PRIM2: variants seen among roughly 807,000 people sequenced by gnomAD.
PRIM2 encodes the protein DNA primase subunit 2.
In PRIM2, 39 loss-of-function variants were observed where a neutral mutation model predicts 67.3. The observed-to-expected ratio is 0.58, with a 90% CI of 0.45 to 0.76. The LOEUF (loss-of-function observed/expected upper bound fraction) is 0.76, where lower values mean the gene tolerates loss of function less well. PRIM2 is among the 30% of genes least tolerant of loss of function. The probability of loss-of-function intolerance (pLI) is 0.00; values close to 1 mark genes in which losing one functional copy is unlikely to be tolerated. For missense variants in PRIM2, 398 were observed against 598.7 expected (o/e 0.66, Z 3.50); for synonymous variants, 143 against 198.7 (o/e 0.72, Z 2.36).
At chr6:57,641,363 G>T (rs1336233330) in intron 13 of PRIM2, among the ~76,000 whole-genome samples, 1 of 151,944 alleles carries the variant, frequency 6.6e-6, no homozygotes, top group Admixed American at 6.6e-5. Flanking sequence ...CAAAAGCAAC[G>T]GCAACAAAAG....
intron 7 of PRIM2, among the ~76,000 whole-genome samples, chr6:57,410,331 C>CA (rs66631802): frequency 0.17 from 18,058 of 105,174 alleles, 1,442 homozygotes; most frequent in Non-Finnish European, 0.22. Context: ...AACGCCATCT[C>CA]AAAAAAAAAA....
intron 12 of PRIM2, among the ~76,000 whole-genome samples, chr6:57,615,890 T>C (rs1776748337): frequency 6.6e-6 from 1 of 152,112 alleles, no homozygotes; most frequent in Middle Eastern, 3.2e-3. Flanking sequence ...ACTCCATCTC[T>C]CCAAAAATTA....
intron 10 of PRIM2, among the ~76,000 whole-genome samples, chr6:57,550,595 A>G (rs1182967939): frequency 6.6e-6 from 1 of 152,204 alleles, no homozygotes; most frequent in African/African-American, 2.4e-5. Flanking sequence ...AATAAGATAA[A>G]AAATAGAAGA....
chr6:57,264,697 A>T, the PRIM2 span, among the ~76,000 whole-genome samples: 1 of 150,638 alleles, frequency 6.6e-6, no homozygotes, highest in African/African-American at 2.5e-5. Flanking sequence ...CCTGAGTTCA[A>T]GCGATTCTCC....
chr6:57,484,116 A>G (rs1426905804), intron 7 of PRIM2, among the ~76,000 whole-genome samples: 1 of 152,190 alleles, frequency 6.6e-6, no homozygotes, highest in East Asian at 1.9e-4. Context: ...TTTGGTTACT[A>G]TGTATAGCTA....
intron 7 of PRIM2, among the ~76,000 whole-genome samples, chr6:57,414,651 G>T (rs1156905226): frequency 6.6e-6 from 1 of 152,080 alleles, no homozygotes; most frequent in Non-Finnish European, 1.5e-5. Context: ...GATGGTAGTA[G>T]CGGATGAAAC....
chr6:57,329,500 C>A (rs1286643064), intron 5 of PRIM2, among the ~76,000 whole-genome samples: 1 of 152,016 alleles, frequency 6.6e-6, no homozygotes, highest in Admixed American at 6.5e-5. Context: ...ATTGTAGTTC[C>A]CATAATCCCC....
the PRIM2 span, among the ~76,000 whole-genome samples, chr6:57,272,182 T>C: frequency 6.6e-6 from 1 of 152,198 alleles, no homozygotes; most frequent in Admixed American, 6.5e-5. Flanking sequence ...CTGGGTATCC[T>C]TGTTAACTTT....
At chr6:57,287,010 C>T in the PRIM2 span, among the ~76,000 whole-genome samples, 1 of 152,194 alleles carries the variant, frequency 6.6e-6, no homozygotes, top group Non-Finnish European at 1.5e-5. Flanking sequence ...TGGAAAAAAG[C>T]TCATCATCAC....
At chr6:57,331,892 A>G (rs937162524) in intron 5 of PRIM2, among the ~76,000 whole-genome samples, 3 of 151,396 alleles carry the variant, frequency 2.0e-5, no homozygotes, top group Non-Finnish European at 4.4e-5. Flanking sequence ...TCTAGACTCT[A>G]TTTCACTAGT....
rs150007054 is a variant in PRIM2, at chr6:57,323,043, A to T, written c.259-1158A>T. Among the ~76,000 whole-genome samples, 7 of 151,360 alleles carry T rather than the reference A, an allele frequency of 4.6e-5. No homozygotes were observed. The East Asian group carries it at 1.2e-3, about 25-fold the overall frequency. ...AACTTCTCTGTGCCTCAGTTTCCTT[A>T]TCTGTAAAATAAGATTATAGTAGTG... On this transcript the variant is annotated intron_variant, in intron 3 of 13. Coordinates refer to ENST00000615550, the MANE Select transcript of PRIM2 (RefSeq NM_000947.5).
At chr6:57,434,253 A>G (rs1182001832) in intron 7 of PRIM2, among the ~76,000 whole-genome samples, 2 of 151,984 alleles carry the variant, frequency 1.3e-5, no homozygotes, top group Non-Finnish European at 2.9e-5. Flanking sequence ...TGTAAAATGT[A>G]CAAGGTCTAC....
intron 10 of PRIM2, among the ~76,000 whole-genome samples, chr6:57,591,758 C>T (rs1248231026): frequency 6.6e-6 from 1 of 152,138 alleles, no homozygotes; most frequent in Non-Finnish European, 1.5e-5. Context: ...GGAAATCCCC[C>T]GTTTGGAGAT....
intron 5 of PRIM2, among the ~76,000 whole-genome samples, chr6:57,357,349 G>A (rs1384763206): frequency 6.6e-6 from 1 of 152,110 alleles, no homozygotes; most frequent in African/African-American, 2.4e-5. Flanking sequence ...TTCAAAATTT[G>A]TAATAAGTTA....
rs1399126981 is a variant in PRIM2 at position 57,338,758 on chromosome 6, G to C, written c.459+12713G>C. 8.7e-5 allele frequency among the ~76,000 whole-genome samples: 11 copies of C among 126,964 alleles called. No individual in the cohort carries two copies. The East Asian group carries it at 1.9e-3, about 22-fold the overall frequency. The allele number at this position is 126,964 out of a possible 152,430, so 83.3% of individuals were successfully genotyped here. On this transcript the variant is annotated intron_variant, in intron 5 of 13. Coordinates refer to ENST00000615550, the MANE Select transcript of PRIM2 (RefSeq NM_000947.5). ...CCCACAGCCAATATCATACTGAATGGGCAAAAACGGGAAGCATTCCCTTTG... is the reference window on the plus strand; with the variant it reads ...CCCACAGCCAATATCATACTGAATGCGCAAAAACGGGAAGCATTCCCTTTG...
the PRIM2 span, among the ~76,000 whole-genome samples, chr6:57,309,665 C>T: frequency 6.6e-6 from 1 of 152,172 alleles, no homozygotes; most frequent in African/African-American, 2.4e-5. Flanking sequence ...ATTTATAGTC[C>T]TTTGGGTATA....
At chr6:57,445,510 A>G (rs969630254) in intron 7 of PRIM2, among the ~76,000 whole-genome samples, 7 of 152,090 alleles carry the variant, frequency 4.6e-5, no homozygotes, top group Non-Finnish European at 8.8e-5. Flanking sequence ...TTCATTGTTT[A>G]TCACCTCTAG....
At chr6:57,392,835 A>G (rs1395222391) in intron 7 of PRIM2, among the ~76,000 whole-genome samples, 1 of 152,006 alleles carries the variant, frequency 6.6e-6, no homozygotes, top group Admixed American at 6.6e-5. Flanking sequence ...CCATTGTATC[A>G]TTCTTATGCC....
the PRIM2 span, among the ~76,000 whole-genome samples, chr6:57,265,162 A>T: frequency 6.6e-6 from 1 of 152,180 alleles, no homozygotes; most frequent in Non-Finnish European, 1.5e-5. Flanking sequence ...TTTGACCTGG[A>T]TGTCTATGGA....
Sources: gnomAD v4.1 joint callset for allele counts (sites outside exome capture counted in the v4.1 genomes callset) on GRCh38, gnomAD v4.1.1 for gene constraint, MANE v1.5 for transcripts, NCBI Gene and HGNC (gene_info 2026-07-23, HGNC 2026-07-21) for gene names.